Variants in ZNF556 observed in about 807,000 individuals in gnomAD.
ZNF556 encodes the protein zinc finger protein 556.
A neutral mutation model predicts 13.6 loss-of-function variants in ZNF556; 11 were observed. The observed-to-expected ratio is 0.81, with a 90% CI of 0.51 to 1.33. The LOEUF (loss-of-function observed/expected upper bound fraction) is 1.33, where lower values mean the gene tolerates loss of function less well. Among genes scored for constraint, ZNF556 ranks in the 40% most tolerant of loss-of-function variants. ZNF556 has a pLI of 0.00. For missense variants in ZNF556, 633 were observed against 566.2 expected, an observed-to-expected ratio of 1.12 and a Z score of -1.20; for synonymous variants, 229 against 207.8, an observed-to-expected ratio of 1.10 and a Z score of -0.88.
At chr19:2,869,937 C>G (rs1187915022) in intron 1 of ZNF556, among the ~76,000 whole-genome samples, 1 of 152,158 alleles carries the variant, frequency 6.6e-6, no homozygotes. Flanking sequence ...CCTTGGCTGT[C>G]ACTCCCCATT....
chr19:2,878,648 C>G lies in ZNF556; in HGVS notation c.*319C>G, dbSNP rs2144895433. On this transcript the variant is annotated 3_prime_UTR_variant, in exon 4 of 4. Transcript: ENST00000307635. ...CCGAGATGGCACCACTGCACTCCAG[C>G]CTGGGTGACAGAGCGAGACTCCATC... 1 of 204,330 alleles carries G rather than the reference C, an allele frequency of 4.9e-6. No individual in the cohort carries two copies. The highest frequency in any genetic ancestry group is 8.7e-5 in the South Asian group (1 of 11,560). The allele number at this position is 204,330 out of a possible 1,614,324, so 12.7% of individuals were successfully genotyped here.
Position 2,882,074 on chromosome 19 carries a change from C to G in ZNF556, c.*3745C>G, listed in dbSNP as rs542148352. The G allele has an allele frequency of 6.6e-6, 1 of 152,132 alleles. No homozygotes were observed. The highest frequency in any genetic ancestry group is 1.5e-5 in the Non-Finnish European group (1 of 68,020). 9.4% of individuals were successfully genotyped at this position (152,132 alleles called of 1,614,324 possible). On this transcript the variant is annotated 3_prime_UTR_variant, in exon 4 of 4. Transcript: ENST00000307635. ...TGCAATGAGTTATCTTGCCACTGTA[C>G]TCCAGCCAGGGTGACAGAATGAGAC...
chr19:2,869,342 AGG>A (rs571523930), intron 1 of ZNF556, among the ~76,000 whole-genome samples: 194 of 151,052 alleles, frequency 1.3e-3, no homozygotes, highest in South Asian at 4.6e-3. Context: ...TGAGCCCATG[AGG>A]AAATTTTATA....
In ZNF556 at chr19:2,882,531, AGTGTGTGTGTGTGTG is replaced by A. The variant is rs1485759890; in HGVS notation, c.*4203_*4217del. The A allele has an allele frequency of 3.9e-5, 5 of 127,722 alleles. No homozygotes were observed. The highest frequency in any genetic ancestry group is 1.5e-4 in the African/African-American group (5 of 32,940). The allele number at this position is 127,722 out of a possible 1,614,324, so 7.9% of individuals were successfully genotyped here. A position where few individuals can be genotyped will look rare whatever the true frequency, so the allele number is the denominator to read the frequency against. On this transcript the variant is annotated 3_prime_UTR_variant, in exon 4 of 4. Transcript: ENST00000307635. ...ATACATTTTATATATATATATATAT[AGTGTGTGTGTGTGTG>A]TGTGTGTGTGTGTGTGTGTGAATGT...
chr19:2,870,663 C>T (rs2087795040), intron 1 of ZNF556, among the ~76,000 whole-genome samples: 1 of 151,692 alleles, frequency 6.6e-6, no homozygotes, highest in South Asian at 2.1e-4. Context: ...AGGAGAATCG[C>T]TTGAACTCTG....
chr19:2,877,359 G>T lies in ZNF556; in HGVS notation c.401G>T (p.Arg134Leu), dbSNP rs1211251995. ...TTCAGAAAGACTCGAAATTGTAATC[G>T]TCATCTGCGCAAGAATTGTTGTACT... Reference protein sequence around the residue: ...RTFRKTRNCNRHLRKNCCTSV... With the variant: ...RTFRKTRNCNLHLRKNCCTSV... Residue 134 changes from arginine to leucine, a missense_variant, in exon 4 of 4, where the codon CGT becomes CTT. Coordinates refer to ENST00000307635, the MANE Select transcript of ZNF556 (RefSeq NM_024967.3). The T allele has an allele frequency of 1.2e-6, 2 of 1,614,022 alleles. No individual in the cohort carries two copies. Among genetic ancestry groups the T allele is most frequent in the Admixed American group, 3.3e-5 (2 of 59,978 alleles).
chr19:2,867,906 C>T (rs2087770944), intron 1 of ZNF556, among the ~76,000 whole-genome samples: 1 of 152,114 alleles, frequency 6.6e-6, no homozygotes, highest in South Asian at 2.1e-4. Flanking sequence ...AGGCCGGACT[C>T]CAGCCCAGCC....
chr19:2,871,802 C>T (rs547479720), intron 1 of ZNF556, among the ~76,000 whole-genome samples: 8 of 152,236 alleles, frequency 5.3e-5, no homozygotes, highest in Admixed American at 3.9e-4. Context: ...ACCACCAAGT[C>T]GCAGAGACCG....
rs1228512974 is a variant in ZNF556 at position 2,880,970 on chromosome 19, T to C, written c.*2641T>C. The C allele has an allele frequency of 6.7e-6, 1 of 150,276 alleles. No homozygotes were observed. The highest frequency in any genetic ancestry group is 1.5e-5 in the Non-Finnish European group (1 of 67,726). The allele number at this position is 150,276 out of a possible 1,614,324, so 9.3% of individuals were successfully genotyped here. On this transcript the variant is annotated 3_prime_UTR_variant, in exon 4 of 4. Coordinates refer to ENST00000307635, the MANE Select transcript of ZNF556 (RefSeq NM_024967.3). The stretch of plus-strand genomic sequence containing the variant: ...TGCAACCCCCCCGCCAAGGTTCAAG[T>C]GATTCTCCTACCTCAGCCTCCTGAA...
intron 1 of ZNF556, among the ~76,000 whole-genome samples, chr19:2,870,212 C>T (rs201666938): frequency 2.6e-5 from 4 of 151,792 alleles, no homozygotes; most frequent in Non-Finnish European, 4.4e-5. Context: ...TTTGGGAGGC[C>T]GAGGCAGGTG....
Position 2,877,628 on chromosome 19 carries a change from ACT to A in ZNF556, c.672_673del (p.Thr226TrpfsTer34). ...RSHSLTEHVR[T>X]HTGEKPYECG... is the part of the protein sequence containing the mutation. Reference sequence around the variant, plus strand: ...CCACTCTCTCACTGAACATGTAAGGACTCACACTGGAGAGAAACCCTACGAAT... The same window carrying A: ...CCACTCTCTCACTGAACATGTAAGGACACACTGGAGAGAAACCCTACGAAT... On this transcript the variant is annotated frameshift_variant, in exon 4 of 4. Transcript: ENST00000307635. LOFTEE classifies it low-confidence loss of function (END_TRUNC). 1 of 1,614,180 alleles carries A rather than the reference ACT, an allele frequency of 6.2e-7. No homozygotes were observed. The highest frequency in any genetic ancestry group is 1.1e-5 in the South Asian group (1 of 91,088).
intron 3 of ZNF556, 54 bp downstream of exon 3, chr19:2,876,330 C>T: frequency 6.6e-7 from 1 of 1,510,472 alleles, no homozygotes; most frequent in South Asian, 1.3e-5. Flanking sequence ...TGGCTCATGC[C>T]TGTAATCCCA....
intron 1 of ZNF556, among the ~76,000 whole-genome samples, chr19:2,867,638 G>A (rs575122201): frequency 7.2e-6 from 1 of 137,938 alleles, no homozygotes; most frequent in African/African-American, 2.6e-5. Context: ...GGATGGAGGG[G>A]AAAAAAAGGC....
rs57053138 is a variant in ZNF556, at chr19:2,882,531, A to ATATATATATATAGTGTGTGTGTGT, written c.*4202_*4203insTATATATATATAGTGTGTGTGTGT. 1 of 127,722 alleles carries ATATATATATATAGTGTGTGTGTGT rather than the reference A, an allele frequency of 7.8e-6. No individual in the cohort carries two copies. Among genetic ancestry groups the ATATATATATATAGTGTGTGTGTGT allele is most frequent in the Admixed American group, 8.2e-5 (1 of 12,142 alleles). The allele number at this position is 127,722 out of a possible 1,614,324, so 7.9% of individuals were successfully genotyped here. A position where few individuals can be genotyped will look rare whatever the true frequency, so the allele number is the denominator to read the frequency against. On this transcript the variant is annotated 3_prime_UTR_variant, in exon 4 of 4. Coordinates refer to ENST00000307635, the MANE Select transcript of ZNF556 (RefSeq NM_024967.3). ...ATACATTTTATATATATATATATAT[A>ATATATATATATAGTGTGTGTGTGT]GTGTGTGTGTGTGTGTGTGTGTGTG...
intron 1 of ZNF556, among the ~76,000 whole-genome samples, chr19:2,872,655 C>T (rs1403837212): frequency 6.6e-6 from 1 of 151,892 alleles, no homozygotes; most frequent in African/African-American, 2.4e-5. Flanking sequence ...TGCCTCGGCA[C>T]CTGGGTGGCT....
rs1363529859 is a variant in ZNF556, at chr19:2,881,992, A to T, written c.*3663A>T. The stretch of plus-strand genomic sequence containing the variant: ...TAGGCATGGTGATGTGCACTTGTAG[A>T]GCCAGCTACTCAGGAGGCTGAGGGT... On this transcript the variant is annotated 3_prime_UTR_variant, in exon 4 of 4. Transcript: ENST00000307635. 6.6e-6 allele frequency: 1 copy of T among 152,094 alleles called. No homozygotes were observed. Among genetic ancestry groups the T allele is most frequent in the Non-Finnish European group, 1.5e-5 (1 of 68,020 alleles). 9.4% of individuals were successfully genotyped at this position (152,094 alleles called of 1,614,324 possible).
intron 1 of ZNF556, among the ~76,000 whole-genome samples, chr19:2,872,857 G>A (rs1191400000): frequency 6.6e-6 from 1 of 151,714 alleles, no homozygotes; most frequent in Admixed American, 6.6e-5. Flanking sequence ...AAAAGGCCGG[G>A]TGTGGTGGCT....
rs1384913001 is a variant in ZNF556, at chr19:2,873,597, G to A, written c.105G>A (p.Glu35=). The change falls in exon 2 of 4, where the codon GAG becomes GAA. Residue 35 remains glutamate, a synonymous_variant. Coordinates refer to ENST00000307635, the MANE Select transcript of ZNF556 (RefSeq NM_024967.3). ...QRKLYRDVML[E]TFKHLASVDN... Reference sequence around the variant, plus strand: ...AACTCTACAGAGATGTCATGCTGGAGACCTTCAAGCACCTGGCCTCAGTAG... The same window carrying A: ...AACTCTACAGAGATGTCATGCTGGAAACCTTCAAGCACCTGGCCTCAGTAG... 1 of 1,614,058 alleles carries A rather than the reference G, an allele frequency of 6.2e-7. No homozygotes were observed. Among genetic ancestry groups the A allele is most frequent in the Admixed American group, 1.7e-5 (1 of 60,002 alleles).
rs140670549 is a variant in ZNF556 at position 2,880,573 on chromosome 19, T to A, written c.*2244T>A. 1 of 152,094 alleles carries A rather than the reference T, an allele frequency of 6.6e-6. No individual in the cohort carries two copies. Among genetic ancestry groups the A allele is most frequent in the African/African-American group, 2.4e-5 (1 of 41,388 alleles). 9.4% of individuals were successfully genotyped at this position (152,094 alleles called of 1,614,324 possible). On this transcript the variant is annotated 3_prime_UTR_variant, in exon 4 of 4. Coordinates refer to ENST00000307635, the MANE Select transcript of ZNF556 (RefSeq NM_024967.3). ...TCATGAGGTCAAGAGATCGAGACCA[T>A]CCTGGCTAACACGGTGAAACCCCAT...
Sources: allele counts gnomAD v4.1 joint callset (sites outside exome capture counted in the v4.1 genomes callset), GRCh38; gene constraint gnomAD v4.1.1; transcripts MANE v1.5; gene names NCBI Gene and HGNC (gene_info 2026-07-23, HGNC 2026-07-21).